Variants in UGCG observed in about 807,000 individuals in gnomAD.
UGCG encodes ceramide glucosyltransferase.
A neutral mutation model predicts 49.5 loss-of-function variants in UGCG; 10 were observed. The observed-to-expected ratio is 0.20, with a 90% CI of 0.12 to 0.34. The LOEUF (loss-of-function observed/expected upper bound fraction) is 0.34, where lower values mean the gene tolerates loss of function less well. Ranked by LOEUF, UGCG falls within the 10% of genes least tolerant of loss-of-function variation. The pLI is 1.00. For synonymous variants in UGCG, 182 were observed against 158.2 expected, an observed-to-expected ratio of 1.15 and a Z score of -1.13; for missense variants, 312 against 483.7, an observed-to-expected ratio of 0.65 and a Z score of 3.33.
At chr9:111,931,015 A>G (rs961621728) in intron 6 of UGCG, among the ~76,000 whole-genome samples, 20 of 152,216 alleles carry the variant, frequency 1.3e-4, no homozygotes, top group African/African-American at 4.6e-4. Context: ...AAATGACTGC[A>G]TTTTAAGTTT....
chr9:111,931,170 C>T (rs41280157), intron 6 of UGCG, 101 bp from the exon 7 acceptor site: 17 of 1,131,572 alleles, frequency 1.5e-5, no homozygotes, highest in Non-Finnish European at 1.9e-5. Flanking sequence ...CCCTGAATAC[C>T]GGCAGTTGCC....
intron 8 of UGCG, 113 bp downstream of exon 8, chr9:111,932,472 G>C (rs1838443548): frequency 1.8e-6 from 2 of 1,142,002 alleles, no homozygotes; most frequent in South Asian, 3.6e-5. Context: ...TCCCATTGTA[G>C]GTTAGTCTCG....
At chr9:111,909,958 GTC>G in intron 1 of UGCG, among the ~76,000 whole-genome samples, 1 of 152,294 alleles carries the variant, frequency 6.6e-6, no homozygotes, top group South Asian at 2.1e-4. Context: ...CTGTGATATA[GTC>G]TGGCTTATTT....
chr9:111,897,657 G>GT (rs528031639), intron 1 of UGCG, among the ~76,000 whole-genome samples: 321 of 152,122 alleles, frequency 2.1e-3, no homozygotes, highest in Admixed American at 4.9e-3. Context: ...ATGGTGTATT[G>GT]TTTTTTTCTC....
At chr9:111,907,309 C>T (rs71501695) in intron 1 of UGCG, among the ~76,000 whole-genome samples, 16,125 of 152,240 alleles carry the variant, frequency 0.11, 1,092 homozygotes, top group Middle Eastern at 0.18. Context: ...CATGTGAGAA[C>T]CACCTCTCCT....
chr9:111,919,936 A>G (rs529842721), intron 2 of UGCG, among the ~76,000 whole-genome samples: 47 of 152,212 alleles, frequency 3.1e-4, no homozygotes, highest in Non-Finnish European at 5.1e-4. Context: ...CTCTCTAATC[A>G]TTATTGTGAA....
intron 6 of UGCG, 83 bp downstream of exon 6, chr9:111,929,761 G>C: frequency 6.7e-7 from 1 of 1,482,428 alleles, no homozygotes; most frequent in Non-Finnish European, 9.1e-7. Context: ...ATAGATTAGG[G>C]CTTTTTAATT....
chr9:111,911,925 TATATATATATATATA>T (rs1292797500), intron 1 of UGCG, among the ~76,000 whole-genome samples: 2 of 24,690 alleles, frequency 8.1e-5, no homozygotes, highest in African/African-American at 4.4e-4. Context: ...TATATATATA[TATATATATATATATA>T]TATATATATA....
chr9:111,932,772 C>G lies in UGCG; in HGVS notation c.1015-55C>G. The G allele has an allele frequency of 1.0e-5, 15 of 1,432,192 alleles. No individual in the cohort carries two copies. In the South Asian group the frequency reaches 2.2e-4, roughly 21 times the overall value. The allele number at this position is 1,432,192 out of a possible 1,614,324, so 88.7% of individuals were successfully genotyped here. A position where few individuals can be genotyped will look rare whatever the true frequency, so the allele number is the denominator to read the frequency against. On this transcript the variant is annotated intron_variant, in intron 8 of 8. Transcript: ENST00000374279. ...AAATCCAAGAATTTAATTTTTTAAC[C>G]TTGTCTTTAGTTTGACAGTGAGTGA... is the stretch of plus-strand genomic sequence containing the variant.
At chr9:111,921,539 T>C (rs996153065) in intron 2 of UGCG, among the ~76,000 whole-genome samples, 1 of 151,552 alleles carries the variant, frequency 6.6e-6, no homozygotes, top group Non-Finnish European at 1.5e-5. Flanking sequence ...CAGCTACTCC[T>C]GTTTGGGAGG....
At chr9:111,907,628 CTT>C (rs11398860) in intron 1 of UGCG, among the ~76,000 whole-genome samples, 4 of 139,788 alleles carry the variant, frequency 2.9e-5, no homozygotes, top group African/African-American at 2.7e-5. Context: ...CATTTTCTTT[CTT>C]TTTTTTTTTT....
intron 3 of UGCG, among the ~76,000 whole-genome samples, chr9:111,923,519 T>G (rs191315943): frequency 6.6e-6 from 1 of 152,342 alleles, no homozygotes; most frequent in Admixed American, 6.5e-5. Context: ...AAGTGTAGCA[T>G]GCCTACGAAT....
intron 2 of UGCG, among the ~76,000 whole-genome samples, chr9:111,916,837 A>G (rs1838120766): frequency 6.6e-6 from 1 of 151,560 alleles, no homozygotes. Context: ...TGACCCCATA[A>G]CTGATTTCTT....
intron 1 of UGCG, among the ~76,000 whole-genome samples, chr9:111,903,542 G>A (rs1775070607): frequency 6.6e-6 from 1 of 152,218 alleles, no homozygotes; most frequent in Non-Finnish European, 1.5e-5. Context: ...TCCAGTGTGG[G>A]TGACAGAGCA....
chr9:111,929,775 T>C (rs1838387902), intron 6 of UGCG, 97 bp downstream of exon 6: 7 of 1,409,594 alleles, frequency 5.0e-6, no homozygotes, highest in Admixed American at 2.4e-5. Flanking sequence ...TTTAATTTAA[T>C]TTTATTTTTT....
At chr9:111,907,995 G>C (rs1466214290) in intron 1 of UGCG, among the ~76,000 whole-genome samples, 1 of 150,864 alleles carries the variant, frequency 6.6e-6, no homozygotes, top group Non-Finnish European at 1.5e-5. Context: ...CTTCAAAACT[G>C]TTGTCTCCTG....
chr9:111,931,135 G>A (rs1288701510), intron 6 of UGCG, 136 bp from the exon 7 acceptor site: 2 of 750,918 alleles, frequency 2.7e-6, no homozygotes, highest in Non-Finnish European at 4.3e-6. Context: ...CTTAAGTCAT[G>A]TGCTAATCAT....
At chr9:111,921,483 A>G (rs1290127283) in intron 2 of UGCG, among the ~76,000 whole-genome samples, 4 of 151,930 alleles carry the variant, frequency 2.6e-5, no homozygotes, top group Non-Finnish European at 5.9e-5. Context: ...CGTCTCTACT[A>G]AAAATACAAA....
chr9:111,912,344 G>A (rs989684435), intron 1 of UGCG, among the ~76,000 whole-genome samples: 3 of 151,876 alleles, frequency 2.0e-5, no homozygotes, highest in South Asian at 2.1e-4. Context: ...TTGGGAAGCC[G>A]AGGCGGGCAG....
Sources: gnomAD v4.1 joint callset for allele counts (sites outside exome capture counted in the v4.1 genomes callset) on GRCh38, gnomAD v4.1.1 for gene constraint, MANE v1.5 for transcripts, NCBI Gene and HGNC (gene_info 2026-07-23, HGNC 2026-07-21) for gene names.